Variants in CNTNAP5 observed in about 807,000 individuals in gnomAD.
CNTNAP5 encodes contactin-associated protein-like 5.
A neutral mutation model predicts 150.2 loss-of-function variants in CNTNAP5; 72 were observed. That is an observed-to-expected ratio of 0.48 (90% CI 0.40 to 0.58). The LOEUF is 0.58. Among genes scored for constraint, CNTNAP5 ranks in the 20% least tolerant of loss-of-function variants. The probability of loss-of-function intolerance (pLI) is 0.00; values close to 1 mark genes in which losing one functional copy is unlikely to be tolerated. For synonymous variants in CNTNAP5, 672 were observed against 619.8 expected (o/e 1.08, Z -1.25); for missense variants, 1,636 against 1,626.2 (o/e 1.01, Z -0.10).
chr2:124,322,123 C>G (rs1412175788), intron 3 of CNTNAP5, among the ~76,000 whole-genome samples: 2 of 151,524 alleles, frequency 1.3e-5, no homozygotes, highest in Non-Finnish European at 2.9e-5. Context: ...GCACTCCAGC[C>G]TGGGTGACAG....
At chr2:124,802,465 A>G (rs1681990091) in intron 19 of CNTNAP5, among the ~76,000 whole-genome samples, 1 of 152,218 alleles carries the variant, frequency 6.6e-6, no homozygotes, top group African/African-American at 2.4e-5. Flanking sequence ...AATTTCTGGA[A>G]TGGAAGAACA....
At chr2:124,227,213 T>C (rs917563828) in intron 2 of CNTNAP5, among the ~76,000 whole-genome samples, 16 of 152,174 alleles carry the variant, frequency 1.1e-4, no homozygotes, top group Admixed American at 8.5e-4. Context: ...TTTTATAATA[T>C]TCTGCCTCAA....
intron 2 of CNTNAP5, among the ~76,000 whole-genome samples, chr2:124,233,211 C>A (rs1240857613): frequency 6.6e-6 from 1 of 152,090 alleles, no homozygotes; most frequent in Non-Finnish European, 1.5e-5. Context: ...TCTCAGCCAG[C>A]TTTACAACAT....
intron 14 of CNTNAP5, among the ~76,000 whole-genome samples, chr2:124,754,737 A>G (rs2045090): frequency 0.98 from 148,445 of 152,052 alleles, 72,532 homozygotes; most frequent in East Asian, 1. Context: ...ACCCAGGCTC[A>G]AGTGCAGTGG....
At chr2:124,118,200 G>A (rs1317436231) in intron 1 of CNTNAP5, among the ~76,000 whole-genome samples, 1 of 151,862 alleles carries the variant, frequency 6.6e-6, no homozygotes, top group Non-Finnish European at 1.5e-5. Context: ...ATATATTTGT[G>A]TTTAAAATAC....
At chr2:124,714,455 T>C (rs1679904568) in intron 13 of CNTNAP5, among the ~76,000 whole-genome samples, 1 of 152,114 alleles carries the variant, frequency 6.6e-6, no homozygotes, top group Non-Finnish European at 1.5e-5. Context: ...CCCTTCAGTT[T>C]TGAGTATTGT....
chr2:124,093,248 T>C (rs2104688224), intron 1 of CNTNAP5, among the ~76,000 whole-genome samples: 1 of 152,344 alleles, frequency 6.6e-6, no homozygotes, highest in African/African-American at 2.4e-5. Context: ...GGCAAGTCCT[T>C]TGGCTTTTCT....
chr2:124,537,383 G>GAA (rs1020608336), intron 10 of CNTNAP5, among the ~76,000 whole-genome samples: 1 of 152,142 alleles, frequency 6.6e-6, no homozygotes, highest in African/African-American at 2.4e-5. Flanking sequence ...AAGGGCTGTG[G>GAA]AACACCTCGG....
intron 7 of CNTNAP5, among the ~76,000 whole-genome samples, chr2:124,479,472 A>G (rs1003355954): frequency 6.6e-6 from 1 of 152,178 alleles, no homozygotes; most frequent in African/African-American, 2.4e-5. Flanking sequence ...GTGGAAATGC[A>G]TGTGTTACTT....
intron 21 of CNTNAP5, among the ~76,000 whole-genome samples, chr2:124,871,024 A>G (rs1395305801): frequency 6.6e-6 from 1 of 152,142 alleles, no homozygotes; most frequent in African/African-American, 2.4e-5. Flanking sequence ...TGGAAGAACC[A>G]ATCAACACTG....
At chr2:124,652,354 A>G (rs1391809139) in intron 13 of CNTNAP5, among the ~76,000 whole-genome samples, 4 of 152,150 alleles carry the variant, frequency 2.6e-5, no homozygotes, top group Admixed American at 6.5e-5. Flanking sequence ...GAATCACCAC[A>G]GCCTGCCAGT....
At chr2:124,535,089 A>G (rs1450173050) in intron 10 of CNTNAP5, among the ~76,000 whole-genome samples, 1 of 152,062 alleles carries the variant, frequency 6.6e-6, no homozygotes, top group African/African-American at 2.4e-5. Flanking sequence ...CTCACAATCT[A>G]TACATATAAA....
At chr2:124,207,170 T>C (rs1685885929) in intron 1 of CNTNAP5, among the ~76,000 whole-genome samples, 1 of 152,196 alleles carries the variant, frequency 6.6e-6, no homozygotes, top group African/African-American at 2.4e-5. Context: ...CAAAATGCAC[T>C]TGAAAAATTC....
At chr2:124,730,355 A>G (rs1312826173) in intron 13 of CNTNAP5, among the ~76,000 whole-genome samples, 1 of 151,840 alleles carries the variant, frequency 6.6e-6, no homozygotes, top group Non-Finnish European at 1.5e-5. Context: ...AGATATATAT[A>G]TATATATATC....
rs951138634 is a variant in CNTNAP5, at chr2:124,917,998, T to G, written c.*3710T>G. The stretch of plus-strand genomic sequence containing the variant: ...TTCTCCTCCTCAAAGTAGATATCTA[T>G]CAATGCATATAGATTTCTGTAGAAA... On this transcript the variant is annotated 3_prime_UTR_variant, in exon 24 of 24. Coordinates refer to ENST00000682447, the MANE Select transcript of CNTNAP5 (RefSeq NM_001367498.1). Among the ~76,000 whole-genome samples the G allele has an allele frequency of 6.6e-6, 1 of 152,126 alleles. No homozygotes were observed. The highest frequency in any genetic ancestry group is 2.4e-5 in the African/African-American group (1 of 41,450).
At chr2:124,827,316 A>T (rs984898960) in intron 19 of CNTNAP5, among the ~76,000 whole-genome samples, 23 of 152,112 alleles carry the variant, frequency 1.5e-4, no homozygotes, top group African/African-American at 5.3e-4. Flanking sequence ...GGCGAGTCAC[A>T]GGGGTTTTCA....
intron 13 of CNTNAP5, among the ~76,000 whole-genome samples, chr2:124,652,569 A>T (rs1023297599): frequency 6.6e-6 from 1 of 152,220 alleles, no homozygotes; most frequent in African/African-American, 2.4e-5. Context: ...AGTCTGGAAG[A>T]TTCTTGAATC....
chr2:124,658,867 C>T (rs1236680253), intron 13 of CNTNAP5, among the ~76,000 whole-genome samples: 1 of 152,182 alleles, frequency 6.6e-6, no homozygotes, highest in African/African-American at 2.4e-5. Context: ...TATAATGGCA[C>T]CTCTGAGCTT....
At chr2:124,536,063 A>G (rs1423507424) in intron 10 of CNTNAP5, among the ~76,000 whole-genome samples, 1 of 152,188 alleles carries the variant, frequency 6.6e-6, no homozygotes, top group Admixed American at 6.5e-5. Flanking sequence ...GGGCGCCAGA[A>G]AAGCCATTGG....
Sources: allele counts gnomAD v4.1 joint callset (sites outside exome capture counted in the v4.1 genomes callset), GRCh38; gene constraint gnomAD v4.1.1; transcripts MANE v1.5; gene names NCBI Gene and HGNC (gene_info 2026-07-23, HGNC 2026-07-21).